GRIA4: variants seen among roughly 807,000 people sequenced by gnomAD.
The protein encoded by GRIA4 is glutamate receptor 4.
Under a neutral mutation model 104.0 loss-of-function variants are expected in GRIA4, and 34 were observed. That is an observed-to-expected ratio of 0.33 (90% CI 0.25 to 0.44). GRIA4 has a LOEUF of 0.44. Ranked by LOEUF, GRIA4 falls within the 20% of genes least tolerant of loss-of-function variation. GRIA4 has a pLI of 1.00. For synonymous variants in GRIA4, 386 were observed against 381.9 expected (o/e 1.01, Z -0.13); for missense variants, 750 against 1,096.5 (o/e 0.68, Z 4.46).
At chr11:105,952,573 G>A (rs565753285) in intron 14 of GRIA4, among the ~76,000 whole-genome samples, 11 of 152,260 alleles carry the variant, frequency 7.2e-5, no homozygotes, top group African/African-American at 2.4e-4. Context: ...TCAGATCCAT[G>A]TCTCAACTAG....
At chr11:105,922,946 A>C (rs1947606351) in intron 11 of GRIA4, among the ~76,000 whole-genome samples, 1 of 152,082 alleles carries the variant, frequency 6.6e-6, no homozygotes, top group East Asian at 1.9e-4. Context: ...CAATGGTCTG[A>C]CTCTTGTATA....
intron 6 of GRIA4, among the ~76,000 whole-genome samples, chr11:105,888,108 A>T (rs563428467): frequency 6.6e-6 from 1 of 152,098 alleles, no homozygotes; most frequent in African/African-American, 2.4e-5. Flanking sequence ...CCTTTTAGAT[A>T]TCTTGGCAAG....
At chr11:105,622,676 T>C (rs1950779700) in intron 3 of GRIA4, among the ~76,000 whole-genome samples, 2 of 151,862 alleles carry the variant, frequency 1.3e-5, no homozygotes, top group African/African-American at 2.4e-5. Context: ...AAATCAATGG[T>C]TTTATTTTAA....
intron 14 of GRIA4, among the ~76,000 whole-genome samples, chr11:105,954,340 A>C (rs890166910): frequency 6.6e-6 from 1 of 152,220 alleles, no homozygotes; most frequent in South Asian, 2.1e-4. Flanking sequence ...ATTTGGCTTG[A>C]ATAAAACAAT....
At chr11:105,630,465 G>C (rs1274043763) in intron 3 of GRIA4, among the ~76,000 whole-genome samples, 1 of 152,112 alleles carries the variant, frequency 6.6e-6, no homozygotes, top group Non-Finnish European at 1.5e-5. Context: ...TCTGGAGGCT[G>C]AGACAGGAGA....
At chr11:105,687,626 G>C (rs113926541) in intron 3 of GRIA4, among the ~76,000 whole-genome samples, 1 of 152,186 alleles carries the variant, frequency 6.6e-6, no homozygotes, top group Non-Finnish European at 1.5e-5. Flanking sequence ...TGACAGTGCT[G>C]TCTATAGATA....
intron 3 of GRIA4, among the ~76,000 whole-genome samples, chr11:105,715,370 A>T (rs1204261191): frequency 1.3e-5 from 2 of 152,122 alleles, no homozygotes; most frequent in African/African-American, 4.8e-5. Flanking sequence ...TTAACCTCCA[A>T]CCAGGACCTG....
intron 3 of GRIA4, among the ~76,000 whole-genome samples, chr11:105,621,197 C>A (rs1269133753): frequency 6.6e-6 from 1 of 151,540 alleles, no homozygotes; most frequent in Non-Finnish European, 1.5e-5. Flanking sequence ...ATGTTTATTC[C>A]AAAATGAGCA....
chr11:105,873,675 A>T (rs1197089270), intron 5 of GRIA4, among the ~76,000 whole-genome samples: 2 of 152,168 alleles, frequency 1.3e-5, no homozygotes, highest in African/African-American at 4.8e-5. Context: ...ATGACCAGTG[A>T]TCAGGAGCTT....
At position 105,687,339 on chromosome 11, in the gene GRIA4, G is replaced by A. The variant is rs142912954; in HGVS notation, c.248-65642G>A. 2.5e-4 allele frequency among the ~76,000 whole-genome samples: 38 copies of A among 152,198 alleles called. 1 individual carries two copies. The highest frequency in any genetic ancestry group is 1.9e-3 in the Admixed American group (29 of 15,272). ...GTAGTTAGGAGGATAACAAGTGTACGTCAATGTTTATTATTATTATTAAAT... is the reference window on the plus strand; with the variant it reads ...GTAGTTAGGAGGATAACAAGTGTACATCAATGTTTATTATTATTATTAAAT... On this transcript the variant is annotated intron_variant, in intron 3 of 16. Coordinates refer to ENST00000282499, the MANE Select transcript of GRIA4 (RefSeq NM_000829.4).
At chr11:105,746,617 T>C (rs1020833872) in intron 3 of GRIA4, among the ~76,000 whole-genome samples, 2 of 152,110 alleles carry the variant, frequency 1.3e-5, no homozygotes, top group Non-Finnish European at 2.9e-5. Context: ...CCACAGCATC[T>C]TACAAACAAA....
chr11:105,755,111 C>A (rs1207242307), intron 4 of GRIA4, among the ~76,000 whole-genome samples: 1 of 151,838 alleles, frequency 6.6e-6, no homozygotes, highest in Non-Finnish European at 1.5e-5. Flanking sequence ...ATGCTAATGC[C>A]AATGCAAGAG....
chr11:105,784,154 A>C (rs1036602873), intron 4 of GRIA4, among the ~76,000 whole-genome samples: 1 of 152,186 alleles, frequency 6.6e-6, no homozygotes, highest in Non-Finnish European at 1.5e-5. Context: ...AAATGCTTAG[A>C]ACAGTACCTG....
At chr11:105,789,425 A>G (rs1208169433) in intron 4 of GRIA4, among the ~76,000 whole-genome samples, 1 of 152,160 alleles carries the variant, frequency 6.6e-6, no homozygotes, top group East Asian at 1.9e-4. Flanking sequence ...TCAAGAACAT[A>G]AAAAGTCTAA....
At chr11:105,882,556 C>T in intron 5 of GRIA4, among the ~76,000 whole-genome samples, 1 of 152,150 alleles carries the variant, frequency 6.6e-6, no homozygotes, top group East Asian at 1.9e-4. Flanking sequence ...CTTCTTTATT[C>T]ATTCCTTGAA....
intron 14 of GRIA4, among the ~76,000 whole-genome samples, chr11:105,957,573 A>C (rs551478456): frequency 2.0e-5 from 3 of 152,320 alleles, no homozygotes; most frequent in African/African-American, 4.8e-5. Flanking sequence ...CTTTTGGCTT[A>C]GGATTGTCTT....
At chr11:105,841,509 G>A (rs1944395178) in intron 4 of GRIA4, among the ~76,000 whole-genome samples, 2 of 152,098 alleles carry the variant, frequency 1.3e-5, no homozygotes, top group African/African-American at 4.8e-5. Context: ...AATCAGGATA[G>A]TGTGGAGCGT....
At chr11:105,819,842 T>C (rs1477464581) in intron 4 of GRIA4, among the ~76,000 whole-genome samples, 4 of 152,106 alleles carry the variant, frequency 2.6e-5, no homozygotes, top group Non-Finnish European at 5.9e-5. Context: ...CATGAACTTA[T>C]TTGGATGTAG....
At chr11:105,744,016 A>G (rs1343231745) in intron 3 of GRIA4, among the ~76,000 whole-genome samples, 2 of 152,052 alleles carry the variant, frequency 1.3e-5, no homozygotes, top group African/African-American at 4.8e-5. Context: ...TATGTCTTTA[A>G]TTACTATTCT....
Sources: gnomAD v4.1 joint callset for allele counts (sites outside exome capture counted in the v4.1 genomes callset) on GRCh38, gnomAD v4.1.1 for gene constraint, MANE v1.5 for transcripts, NCBI Gene and HGNC (gene_info 2026-07-23, HGNC 2026-07-21) for gene names.